The following ZFAND3 variants were observed in gnomAD, a reference collection of about 807,000 sequenced individuals.
ZFAND3 encodes zinc finger AN1-type containing 3, also known as AN1-type zinc finger protein 3.
ZFAND3 carries 10 observed loss-of-function variants against 29.6 expected under a neutral mutation model. The ratio of observed to expected loss-of-function variants is 0.34; its 90% CI spans 0.21 to 0.57. The LOEUF (loss-of-function observed/expected upper bound fraction) is 0.57. Ranked by LOEUF, ZFAND3 falls within the 20% of genes least tolerant of loss-of-function variation. ZFAND3 has a pLI of 0.86. For synonymous variants in ZFAND3, 128 were observed against 112.6 expected, an observed-to-expected ratio of 1.14 and a Z score of -0.87; for missense variants, 230 against 304.5, an observed-to-expected ratio of 0.76 and a Z score of 1.82.
At chr6:37,942,587 A>G (rs1761831493) in intron 2 of ZFAND3, among the ~76,000 whole-genome samples, 4 of 152,296 alleles carry the variant, frequency 2.6e-5, no homozygotes, top group African/African-American at 9.6e-5. Flanking sequence ...CCCCAGAGAT[A>G]CTTAAAAATT....
chr6:38,053,011 G>C (rs1764056875), intron 2 of ZFAND3, among the ~76,000 whole-genome samples: 1 of 150,620 alleles, frequency 6.6e-6, no homozygotes, highest in South Asian at 2.1e-4. Flanking sequence ...TCTAGCCTGG[G>C]CGACAGCGCA....
intron 2 of ZFAND3, among the ~76,000 whole-genome samples, chr6:38,008,697 T>G (rs540315319): frequency 6.6e-6 from 1 of 152,306 alleles, no homozygotes; most frequent in Non-Finnish European, 1.5e-5. Context: ...CATTGCTTTT[T>G]TCTTTCTGCT....
At chr6:38,090,567 CCA>C (rs1349699603) in intron 4 of ZFAND3, among the ~76,000 whole-genome samples, 1 of 152,138 alleles carries the variant, frequency 6.6e-6, no homozygotes, top group Admixed American at 6.5e-5. Context: ...CCATGTTTTG[CCA>C]CAGAAAGCAG....
chr6:37,855,239 G>C (rs774559672), intron 1 of ZFAND3, among the ~76,000 whole-genome samples: 2 of 150,852 alleles, frequency 1.3e-5, no homozygotes, highest in African/African-American at 2.4e-5. Context: ...CCACCTCCCA[G>C]GTTCAGGCAA....
chr6:38,136,355 C>T (rs1011165528), intron 5 of ZFAND3, among the ~76,000 whole-genome samples: 1 of 152,194 alleles, frequency 6.6e-6, no homozygotes, highest in Non-Finnish European at 1.5e-5. Context: ...AACTGGTGCA[C>T]ATGCTAAAAT....
intron 2 of ZFAND3, among the ~76,000 whole-genome samples, chr6:38,012,575 C>T (rs1763177243): frequency 6.6e-6 from 1 of 152,020 alleles, no homozygotes; most frequent in Non-Finnish European, 1.5e-5. Flanking sequence ...GACTGGGCTT[C>T]ACCATATTGG....
At chr6:38,092,074 C>G (rs1488188663) in intron 4 of ZFAND3, among the ~76,000 whole-genome samples, 1 of 152,200 alleles carries the variant, frequency 6.6e-6, no homozygotes, top group Non-Finnish European at 1.5e-5. Flanking sequence ...GCATTTATTC[C>G]TCATACCTGT....
At chr6:37,893,208 C>A (rs1353744752) in intron 1 of ZFAND3, among the ~76,000 whole-genome samples, 1 of 152,076 alleles carries the variant, frequency 6.6e-6, no homozygotes, top group Non-Finnish European at 1.5e-5. Context: ...TGCTAGTAAA[C>A]CAAATCAGAG....
At chr6:37,998,915 A>G (rs1413992209) in intron 2 of ZFAND3, among the ~76,000 whole-genome samples, 1 of 152,222 alleles carries the variant, frequency 6.6e-6, no homozygotes, top group Non-Finnish European at 1.5e-5. Flanking sequence ...AGATTGGTAT[A>G]CACATATATT....
At chr6:38,150,413 A>G (rs1408566706) in intron 5 of ZFAND3, among the ~76,000 whole-genome samples, 3 of 152,194 alleles carry the variant, frequency 2.0e-5, no homozygotes, top group African/African-American at 7.2e-5. Context: ...TAGGCTGTGT[A>G]CATGTCCCTT....
intron 3 of ZFAND3, among the ~76,000 whole-genome samples, chr6:38,073,446 C>T (rs1322044021): frequency 6.6e-6 from 1 of 151,720 alleles, no homozygotes. Context: ...ATCTAGAAAT[C>T]GGAGTTGAGC....
chr6:37,958,208 C>T (rs1762134220), intron 2 of ZFAND3, among the ~76,000 whole-genome samples: 1 of 152,168 alleles, frequency 6.6e-6, no homozygotes, highest in Non-Finnish European at 1.5e-5. Context: ...AATGCCAGCA[C>T]TTTGGGAGAC....
intron 1 of ZFAND3, among the ~76,000 whole-genome samples, chr6:37,891,416 T>TCCCCCGCCCCCC: frequency 8.5e-6 from 1 of 117,136 alleles, no homozygotes; most frequent in South Asian, 2.7e-4. Context: ...GAGATTTCAG[T>TCCCCCGCCCCCC]CCCCCCCCCC....
At chr6:37,821,097 G>C (rs576004635) in intron 1 of ZFAND3, among the ~76,000 whole-genome samples, 1 of 152,344 alleles carries the variant, frequency 6.6e-6, no homozygotes, top group Admixed American at 6.5e-5. Context: ...TGTTTCTGGT[G>C]AGGACATCTT....
chr6:37,987,672 T>C (rs1762693325), intron 2 of ZFAND3, among the ~76,000 whole-genome samples: 1 of 152,218 alleles, frequency 6.6e-6, no homozygotes, highest in Non-Finnish European at 1.5e-5. Flanking sequence ...AGCACTGCTG[T>C]TCTGCCACAG....
chr6:37,907,398 C>G (rs554996348), intron 1 of ZFAND3, among the ~76,000 whole-genome samples: 1 of 152,174 alleles, frequency 6.6e-6, no homozygotes, highest in East Asian at 1.9e-4. Flanking sequence ...AAGTCATTTT[C>G]TGTTCGCGCC....
intron 4 of ZFAND3, among the ~76,000 whole-genome samples, chr6:38,110,487 G>A (rs202127551): frequency 1.3e-5 from 2 of 152,256 alleles, no homozygotes; most frequent in East Asian, 3.9e-4. Flanking sequence ...TCCAGTGAGA[G>A]TGTGGTATTT....
At chr6:38,071,934 TA>T (rs1299474234) in intron 3 of ZFAND3, among the ~76,000 whole-genome samples, 1 of 152,200 alleles carries the variant, frequency 6.6e-6, no homozygotes, top group Non-Finnish European at 1.5e-5. Context: ...TTTGATACAT[TA>T]AAGAAGGGAC....
At chr6:37,932,139 C>G (rs904266801) in intron 2 of ZFAND3, among the ~76,000 whole-genome samples, 1 of 151,898 alleles carries the variant, frequency 6.6e-6, no homozygotes, top group East Asian at 1.9e-4. Flanking sequence ...TGTGGTGGCC[C>G]GTGCCTGTAA....
Sources: gnomAD v4.1 joint callset for allele counts (sites outside exome capture counted in the v4.1 genomes callset) on GRCh38, gnomAD v4.1.1 for gene constraint, MANE v1.5 for transcripts, NCBI Gene and HGNC (gene_info 2026-07-23, HGNC 2026-07-21) for gene names.